KHDRBS2: variants seen among roughly 807,000 people sequenced by gnomAD.
The protein encoded by KHDRBS2 is KH domain-containing, RNA-binding, signal transduction-associated protein 2.
KHDRBS2 carries 26 observed loss-of-function variants against 44.3 expected under a neutral mutation model. The observed-to-expected ratio is 0.59, with a 90% CI of 0.43 to 0.81. KHDRBS2 has a LOEUF of 0.81. KHDRBS2 is among the 40% of genes least tolerant of loss of function. The pLI is 0.00. For missense variants in KHDRBS2, 476 were observed against 433.1 expected (o/e 1.10, Z -0.88); for synonymous variants, 194 against 151.1 (o/e 1.28, Z -2.08).
At chr6:61,979,003 G>A (rs1192428) in intron 3 of KHDRBS2, among the ~76,000 whole-genome samples, 111,565 of 151,958 alleles carry the variant, frequency 0.73, 41,180 homozygotes, top group African/African-American at 0.82. Context: ...ACTTTTCCTA[G>A]TATTGTGCCC....
At chr6:61,643,656 C>T in the KHDRBS2 span, among the ~76,000 whole-genome samples, 2 of 151,992 alleles carry the variant, frequency 1.3e-5, no homozygotes, top group African/African-American at 4.8e-5. Context: ...CCTATACACC[C>T]TAAGAGCAGC....
At chr6:61,946,922 G>C (rs1030872440) in intron 4 of KHDRBS2, among the ~76,000 whole-genome samples, 1 of 152,188 alleles carries the variant, frequency 6.6e-6, no homozygotes, top group Non-Finnish European at 1.5e-5. Context: ...GGGCGTACAA[G>C]ATTCAGCGGT....
At chr6:61,860,861 C>G (rs1796852120) in intron 6 of KHDRBS2, among the ~76,000 whole-genome samples, 1 of 152,040 alleles carries the variant, frequency 6.6e-6, no homozygotes, top group Admixed American at 6.6e-5. Context: ...ATTTTTTTCT[C>G]CACAATCTCG....
At chr6:61,994,738 CA>C (rs1441580887) in intron 3 of KHDRBS2, among the ~76,000 whole-genome samples, 1 of 152,002 alleles carries the variant, frequency 6.6e-6, no homozygotes, top group Non-Finnish European at 1.5e-5. Flanking sequence ...AGTAAGGATG[CA>C]AAATATTTAT....
chr6:61,656,244 A>C, the KHDRBS2 span, among the ~76,000 whole-genome samples: 1 of 152,028 alleles, frequency 6.6e-6, no homozygotes, highest in Non-Finnish European at 1.5e-5. Flanking sequence ...AAAACCATAT[A>C]GCCTCATCTC....
chr6:62,140,849 C>T (rs1812662364), intron 2 of KHDRBS2, among the ~76,000 whole-genome samples: 1 of 152,120 alleles, frequency 6.6e-6, no homozygotes, highest in Admixed American at 6.6e-5. Context: ...GAAATATAAG[C>T]TTTCAAAAAG....
At chr6:61,817,360 G>A (rs1392834639) in intron 6 of KHDRBS2, among the ~76,000 whole-genome samples, 1 of 151,910 alleles carries the variant, frequency 6.6e-6, no homozygotes, top group Non-Finnish European at 1.5e-5. Context: ...GTCACTTATG[G>A]TGTCAAAATA....
chr6:61,976,145 C>T (rs1303288310), intron 4 of KHDRBS2, among the ~76,000 whole-genome samples: 1 of 152,072 alleles, frequency 6.6e-6, no homozygotes, highest in African/African-American at 2.4e-5. Context: ...GGGGTATTAG[C>T]CCCCAAATTT....
chr6:62,152,235 C>T (rs1815361076), intron 2 of KHDRBS2, among the ~76,000 whole-genome samples: 1 of 152,136 alleles, frequency 6.6e-6, no homozygotes, highest in African/African-American at 2.4e-5. Flanking sequence ...AGGAGAATGG[C>T]TTGAACCCGG....
intron 1 of KHDRBS2, among the ~76,000 whole-genome samples, chr6:62,250,986 G>C (rs960311614): frequency 3.3e-5 from 5 of 151,868 alleles, no homozygotes; most frequent in African/African-American, 1.2e-4. Context: ...ATATTACTGT[G>C]TTAATGATAC....
chr6:61,857,297 G>C (rs1383375842), intron 6 of KHDRBS2, among the ~76,000 whole-genome samples: 2 of 151,934 alleles, frequency 1.3e-5, no homozygotes, highest in African/African-American at 2.4e-5. Context: ...TACAAAAGTT[G>C]ACAGGATGAT....
chr6:62,237,299 T>C (rs1563112898), intron 1 of KHDRBS2, among the ~76,000 whole-genome samples: 1 of 152,324 alleles, frequency 6.6e-6, no homozygotes, highest in East Asian at 1.9e-4. Context: ...ATAGGTTGTG[T>C]TATATAAATA....
At chr6:61,622,402 G>C in the KHDRBS2 span, among the ~76,000 whole-genome samples, 6 of 152,116 alleles carry the variant, frequency 3.9e-5, no homozygotes, top group African/African-American at 1.4e-4. Context: ...GACAGTGGAG[G>C]AAAGAGATTA....
the KHDRBS2 span, among the ~76,000 whole-genome samples, chr6:61,599,013 AACCTCC>A: frequency 6.6e-6 from 1 of 152,008 alleles, no homozygotes; most frequent in Admixed American, 6.5e-5. Flanking sequence ...GGCTCACTGC[AACCTCC>A]ACCTCCCAGG....
intron 6 of KHDRBS2, among the ~76,000 whole-genome samples, chr6:61,744,971 T>C (rs1414534990): frequency 1.3e-5 from 2 of 152,190 alleles, no homozygotes; most frequent in Non-Finnish European, 2.9e-5. Context: ...AACATTAATT[T>C]CAATAGTTTT....
intron 2 of KHDRBS2, among the ~76,000 whole-genome samples, chr6:62,088,404 G>A (rs889493948): frequency 6.6e-6 from 1 of 152,144 alleles, no homozygotes; most frequent in Non-Finnish European, 1.5e-5. Flanking sequence ...TCTTTTCGTT[G>A]ATGGTGATGC....
chr6:61,826,271 A>G (rs1202035560), intron 6 of KHDRBS2, among the ~76,000 whole-genome samples: 1 of 152,038 alleles, frequency 6.6e-6, no homozygotes, highest in Non-Finnish European at 1.5e-5. Flanking sequence ...AAGACACCCA[A>G]GCTCTCTTAA....
chr6:62,049,432 T>G (rs1788479053), intron 2 of KHDRBS2, among the ~76,000 whole-genome samples: 1 of 151,468 alleles, frequency 6.6e-6, no homozygotes, highest in Non-Finnish European at 1.5e-5. Flanking sequence ...AAGAAAGCAT[T>G]AGAAAAACCT....
At chr6:62,017,897 C>T (rs537761523) in intron 3 of KHDRBS2, among the ~76,000 whole-genome samples, 75 of 151,964 alleles carry the variant, frequency 4.9e-4, no homozygotes, top group Non-Finnish European at 8.7e-4. Flanking sequence ...TTTAATACAT[C>T]AATTTGCTTC....
Sources: gnomAD v4.1 joint callset for allele counts (sites outside exome capture counted in the v4.1 genomes callset) on GRCh38, gnomAD v4.1.1 for gene constraint, MANE v1.5 for transcripts, NCBI Gene and HGNC (gene_info 2026-07-23, HGNC 2026-07-21) for gene names.